SLC5A4: variants seen among roughly 807,000 people sequenced by gnomAD.
SLC5A4 encodes the protein solute carrier family 5 member 4.
Under a neutral mutation model 70.3 loss-of-function variants are expected in SLC5A4, and 55 were observed. The ratio of observed to expected loss-of-function variants is 0.78; its 90% CI spans 0.63 to 0.98. SLC5A4 has a LOEUF of 0.98. Among genes scored for constraint, SLC5A4 ranks in the 50% least tolerant of loss-of-function variants. SLC5A4 has a pLI of 0.00. For missense variants in SLC5A4, 735 were observed against 839.2 expected, an observed-to-expected ratio of 0.88 and a Z score of 1.53; for synonymous variants, 268 against 305.7, an observed-to-expected ratio of 0.88 and a Z score of 1.29.
chr22:32,282,133 G>A, the SLC5A4 span, among the ~76,000 whole-genome samples: 47 of 152,296 alleles, frequency 3.1e-4, no homozygotes, highest in East Asian at 8.9e-3. Context: ...GTGAGCCACG[G>A]CGCTCGGCCA....
At chr22:32,327,865 GA>G in the SLC5A4 span, among the ~76,000 whole-genome samples, 2 of 152,196 alleles carry the variant, frequency 1.3e-5, no homozygotes, top group Non-Finnish European at 2.9e-5. Context: ...GCACTCTGAG[GA>G]ATGCTCTCTG....
At chr22:32,263,129 C>G in the SLC5A4 span, among the ~76,000 whole-genome samples, 81 of 151,430 alleles carry the variant, frequency 5.3e-4, no homozygotes, top group African/African-American at 1.7e-3. Context: ...TCACTGCCTG[C>G]TGAGTAGCTA....
chr22:32,239,689 C>T (rs143528894), intron 5 of SLC5A4, among the ~76,000 whole-genome samples: 1 of 139,334 alleles, frequency 7.2e-6, no homozygotes, highest in African/African-American at 2.6e-5. Flanking sequence ...AAGGGCAAAA[C>T]CACAATTACT....
the SLC5A4 span, among the ~76,000 whole-genome samples, chr22:32,276,050 AT>A: frequency 6.6e-6 from 1 of 152,100 alleles, no homozygotes; most frequent in Non-Finnish European, 1.5e-5. Flanking sequence ...CTTCGCCACA[AT>A]TTTTTTAAAG....
the SLC5A4 span, among the ~76,000 whole-genome samples, chr22:32,350,085 G>A: frequency 6.6e-6 from 1 of 152,136 alleles, no homozygotes; most frequent in Non-Finnish European, 1.5e-5. Flanking sequence ...GGGTCCATGA[G>A]GAAAACAGAG....
At chr22:32,219,714 A>G (rs1422764323) in intron 14 of SLC5A4, among the ~76,000 whole-genome samples, 3 of 151,580 alleles carry the variant, frequency 2.0e-5, no homozygotes, top group Non-Finnish European at 2.9e-5. Flanking sequence ...GATGAAATAG[A>G]AAAGAAGGAA....
intron 3 of SLC5A4, among the ~76,000 whole-genome samples, 199 bp downstream of exon 3, chr22:32,251,571 A>G (rs1238921783): frequency 1.3e-5 from 2 of 149,752 alleles, no homozygotes. Flanking sequence ...ACCTTCCACC[A>G]TGGGACGATG....
the SLC5A4 span, among the ~76,000 whole-genome samples, chr22:32,311,349 T>C: frequency 1.4e-5 from 2 of 147,458 alleles, no homozygotes; most frequent in East Asian, 3.9e-4. Context: ...AGGACACACA[T>C]GTTTATTAAG....
chr22:32,245,529 C>T (rs1926768542), intron 5 of SLC5A4, among the ~76,000 whole-genome samples: 4 of 152,118 alleles, frequency 2.6e-5, no homozygotes, highest in Non-Finnish European at 5.9e-5. Context: ...TTTTATTTAT[C>T]TACTTTTTTG....
chr22:32,301,969 T>C, the SLC5A4 span, among the ~76,000 whole-genome samples: 1 of 152,224 alleles, frequency 6.6e-6, no homozygotes, highest in Non-Finnish European at 1.5e-5. Flanking sequence ...TACCTTCCCA[T>C]ATACAAAATT....
At chr22:32,294,026 T>C in the SLC5A4 span, among the ~76,000 whole-genome samples, 1 of 152,082 alleles carries the variant, frequency 6.6e-6, no homozygotes, top group East Asian at 1.9e-4. Context: ...CCAGCCCTTT[T>C]CTGACTGCTT....
At chr22:32,346,524 G>C in the SLC5A4 span, among the ~76,000 whole-genome samples, 2 of 150,840 alleles carry the variant, frequency 1.3e-5, no homozygotes, top group African/African-American at 4.9e-5. Flanking sequence ...CAATGGAACA[G>C]AACAGAGCCC....
chr22:32,261,269 C>T, the SLC5A4 span, among the ~76,000 whole-genome samples: 2 of 152,208 alleles, frequency 1.3e-5, no homozygotes, highest in African/African-American at 2.4e-5. Context: ...TGGGTCAGAG[C>T]TCCCTCTGCC....
At chr22:32,329,653 G>GA in the SLC5A4 span, among the ~76,000 whole-genome samples, 2 of 93,180 alleles carry the variant, frequency 2.1e-5, no homozygotes, top group African/African-American at 8.9e-5. Context: ...GTGTGTGTTG[G>GA]GGGCTCTGGT....
At chr22:32,272,748 G>C in the SLC5A4 span, 1 of 511,834 alleles carries the variant, frequency 2.0e-6, no homozygotes, top group Non-Finnish European at 3.8e-6. Flanking sequence ...CCTGTGCCAG[G>C]GAGCCACTGA....
At chr22:32,281,536 T>A in the SLC5A4 span, among the ~76,000 whole-genome samples, 1 of 152,214 alleles carries the variant, frequency 6.6e-6, no homozygotes, top group Non-Finnish European at 1.5e-5. Flanking sequence ...TATTTTATTT[T>A]ATTATTTTTT....
the SLC5A4 span, among the ~76,000 whole-genome samples, chr22:32,292,013 C>T: frequency 3.5e-5 from 5 of 144,284 alleles, no homozygotes; most frequent in Non-Finnish European, 6.0e-5. Context: ...GCTGAGATTA[C>T]AGGTGTGCAC....
At chr22:32,308,718 G>C in the SLC5A4 span, among the ~76,000 whole-genome samples, 11 of 152,112 alleles carry the variant, frequency 7.2e-5, no homozygotes, top group Admixed American at 2.0e-4. Context: ...CTGCTTTCTA[G>C]AGCATTGGAG....
At chr22:32,278,453 T>A in the SLC5A4 span, among the ~76,000 whole-genome samples, 2 of 152,238 alleles carry the variant, frequency 1.3e-5, no homozygotes, top group Admixed American at 1.3e-4. Context: ...ATAGAATATA[T>A]CCCTGTCTTT....
Sources: gnomAD v4.1 joint callset for allele counts (sites outside exome capture counted in the v4.1 genomes callset) on GRCh38, gnomAD v4.1.1 for gene constraint, MANE v1.5 for transcripts, NCBI Gene and HGNC (gene_info 2026-07-23, HGNC 2026-07-21) for gene names.